The following FAT4 variants were observed in gnomAD, a reference collection of about 807,000 sequenced individuals.
The protein encoded by FAT4 is FAT atypical cadherin 4, also known as protocadherin Fat 4.
FAT4 carries 84 observed loss-of-function variants against 303.9 expected under a neutral mutation model. The observed-to-expected ratio is 0.28, with a 90% confidence interval of 0.23 to 0.33. FAT4 has a LOEUF of 0.33. FAT4 is among the 10% of genes least tolerant of loss of function. FAT4 has a pLI of 1.00. For missense variants in FAT4, 6,005 were observed against 6,146.8 expected (o/e 0.98, Z 0.77); for synonymous variants, 2,307 against 2,298.8 (o/e 1.00, Z -0.10).
At chr4:125,402,861 A>G (rs1420594665) in intron 3 of FAT4, among the ~76,000 whole-genome samples, 1 of 152,028 alleles carries the variant, frequency 6.6e-6, no homozygotes, top group Non-Finnish European at 1.5e-5. Flanking sequence ...GTTAATTACA[A>G]TAAATGGTAT....
chr4:125,392,518 A>T (rs551785671), intron 2 of FAT4, among the ~76,000 whole-genome samples: 1 of 152,284 alleles, frequency 6.6e-6, no homozygotes, highest in Non-Finnish European at 1.5e-5. Flanking sequence ...TAAGAAAAAG[A>T]AATAGCTTTT....
chr4:125,472,618 A>G (rs1726902210), intron 12 of FAT4, among the ~76,000 whole-genome samples: 1 of 152,190 alleles, frequency 6.6e-6, no homozygotes, highest in Non-Finnish European at 1.5e-5. Flanking sequence ...TCTCAGGAAT[A>G]TTTTATAAAT....
At chr4:125,402,428 T>C (rs1257860771) in intron 3 of FAT4, among the ~76,000 whole-genome samples, 1 of 152,016 alleles carries the variant, frequency 6.6e-6, no homozygotes, top group East Asian at 1.9e-4. Context: ...CACATGCTTA[T>C]TGAAAGTTTT....
chr4:125,462,136 A>C (rs2126070262), intron 10 of FAT4, among the ~76,000 whole-genome samples: 1 of 152,100 alleles, frequency 6.6e-6, no homozygotes, highest in South Asian at 2.1e-4. Context: ...TGTGATGTAC[A>C]GAAATGGGCT....
intron 3 of FAT4, among the ~76,000 whole-genome samples, chr4:125,400,497 C>T (rs1440723399): frequency 3.3e-5 from 5 of 151,878 alleles, no homozygotes; most frequent in African/African-American, 7.2e-5. Flanking sequence ...AAATGCAATG[C>T]TGCCAGCATT....
intron 2 of FAT4, among the ~76,000 whole-genome samples, chr4:125,361,947 GA>G (rs1159689489): frequency 6.6e-6 from 1 of 152,080 alleles, no homozygotes. Flanking sequence ...TGCTTGTGTA[GA>G]ATGTTGCCTT....
intron 10 of FAT4, among the ~76,000 whole-genome samples, chr4:125,459,233 A>G (rs1354541712): frequency 6.6e-6 from 1 of 152,052 alleles, no homozygotes; most frequent in African/African-American, 2.4e-5. Flanking sequence ...GAGTGGTCCA[A>G]TTTAGCAGTT....
chr4:125,404,660 C>T (rs1406480882), intron 3 of FAT4, among the ~76,000 whole-genome samples: 1 of 152,086 alleles, frequency 6.6e-6, no homozygotes, highest in East Asian at 1.9e-4. Context: ...CGATGTTGTA[C>T]AGTAGATCTA....
In FAT4 at chr4:125,490,088, C is replaced by T. The variant is rs1280719128; in HGVS notation, c.13272C>T (p.Tyr4424=). The T allele has an allele frequency of 1.2e-6, 2 of 1,614,054 alleles. No individual in the cohort carries two copies. The highest frequency in any genetic ancestry group is 2.2e-5 in the East Asian group (1 of 44,850). ...TGTGCATTAATCAGTGGTATGCCTA[C>T]AGGTGTGTCCCTCCTGGGGACTGTG... ...DLLCINQWYA[Y]RCVPPGDCAS... The change falls in exon 18 of 18, where the codon TAC becomes TAT. Residue 4424 remains tyrosine, a synonymous_variant. Coordinates refer to ENST00000394329, the MANE Select transcript of FAT4 (RefSeq NM_001291303.3).
At chr4:125,373,232 A>G (rs1172572067) in intron 2 of FAT4, among the ~76,000 whole-genome samples, 1 of 152,144 alleles carries the variant, frequency 6.6e-6, no homozygotes, top group Non-Finnish European at 1.5e-5. Flanking sequence ...TAGTCAAGTA[A>G]TAATAATTCA....
intron 7 of FAT4, among the ~76,000 whole-genome samples, chr4:125,418,669 C>T (rs971240248): frequency 2.0e-5 from 3 of 152,028 alleles, no homozygotes; most frequent in Admixed American, 6.6e-5. Flanking sequence ...TATGGATATT[C>T]GGCCTTCATT....
intron 2 of FAT4, among the ~76,000 whole-genome samples, chr4:125,360,611 TAGA>T (rs1009524183): frequency 5.9e-5 from 9 of 152,232 alleles, no homozygotes; most frequent in South Asian, 2.1e-4. Flanking sequence ...ACTCACTGTC[TAGA>T]AGAAGAAGAG....
chr4:125,366,547 A>G (rs1732894962), intron 2 of FAT4, among the ~76,000 whole-genome samples: 1 of 151,998 alleles, frequency 6.6e-6, no homozygotes, highest in Non-Finnish European at 1.5e-5. Context: ...CATTGTGAAT[A>G]GTGTTGCAAT....
rs762672127 is a variant in FAT4 at position 125,463,668 on chromosome 4, G to T, written c.11905+1G>T. The T allele has an allele frequency of 1.3e-6, 2 of 1,538,974 alleles. No homozygotes were observed. The highest frequency in any genetic ancestry group is 1.8e-6 in the Non-Finnish European group (2 of 1,131,638). ...TCTTATTATTGTCATTGTCCATTTG[G>T]TGAGTAAAACTTATTTGTTGATATA... On this transcript the variant is annotated splice_donor_variant, in intron 11 of 17. Transcript: ENST00000394329. LOFTEE classifies it high-confidence loss of function.
chr4:125,381,642 A>C (rs1733546928), intron 2 of FAT4, among the ~76,000 whole-genome samples: 1 of 152,172 alleles, frequency 6.6e-6, no homozygotes, highest in South Asian at 2.1e-4. Flanking sequence ...CTGCTGACTG[A>C]TCAGGGTGGT....
At chr4:125,440,177 G>C (rs1352465225) in intron 8 of FAT4, among the ~76,000 whole-genome samples, 1 of 151,906 alleles carries the variant, frequency 6.6e-6, no homozygotes, top group African/African-American at 2.4e-5. Context: ...TTGAATGAAC[G>C]ATTTTAATAT....
Position 125,360,935 on chromosome 4 carries a change from TTTA to T in FAT4, c.5176-37843_5176-37841del, listed in dbSNP as rs35917874. On this transcript the variant is annotated intron_variant, in intron 2 of 17. Coordinates refer to ENST00000394329, the MANE Select transcript of FAT4 (RefSeq NM_001291303.3). ...TTTATTATTTATTTTATTTATTTAT[TTTA>T]TTATTTTTATTTTATTTTATTTATA... Among the ~76,000 whole-genome samples, 259 of 146,116 alleles carry T rather than the reference TTTA, an allele frequency of 1.8e-3. 3 individuals are homozygous for T. Among genetic ancestry groups the T allele is most frequent in the African/African-American group, 5.9e-3 (237 of 40,512 alleles).
In FAT4 at chr4:125,408,418, A is replaced by G. The variant is rs1451525072; in HGVS notation, c.5570-26A>G. ...TAATACTTCTTACTTCCTTGATTTT[A>G]TACTATTAATTTATTCTTTTGATAG... On this transcript the variant is annotated intron_variant, in intron 4 of 17. Transcript: ENST00000394329. The G allele has an allele frequency of 4.2e-6, 6 of 1,429,044 alleles. No homozygotes were observed. The African/African-American group carries it at 5.7e-5, about 14-fold the overall frequency. 88.5% of individuals were successfully genotyped at this position (1,429,044 alleles called of 1,614,324 possible). A position where few individuals can be genotyped will look rare whatever the true frequency, so the allele number is the denominator to read the frequency against.
intron 2 of FAT4, among the ~76,000 whole-genome samples, chr4:125,367,391 G>A (rs903725611): frequency 6.6e-6 from 1 of 152,060 alleles, no homozygotes; most frequent in East Asian, 1.9e-4. Context: ...AGGTTATAGA[G>A]GGTATTTTTC....
Sources: allele counts gnomAD v4.1 joint callset (sites outside exome capture counted in the v4.1 genomes callset), GRCh38; gene constraint gnomAD v4.1.1; transcripts MANE v1.5; gene names NCBI Gene and HGNC (gene_info 2026-07-23, HGNC 2026-07-21).